The following USH2A variants were observed in gnomAD, a reference collection of about 807,000 sequenced individuals.
USH2A encodes the protein usherin.
Under a neutral mutation model 538.9 loss-of-function variants are expected in USH2A, and 443 were observed. That is an observed-to-expected ratio of 0.82 (90% CI 0.76 to 0.89). USH2A has a LOEUF of 0.89. USH2A is among the 40% of genes least tolerant of loss of function. The pLI, the probability that USH2A is intolerant of heterozygous loss-of-function variation, is 0.00. For synonymous variants in USH2A, 2,413 were observed against 2,273.5 expected, an observed-to-expected ratio of 1.06 and a Z score of -1.75; for missense variants, 6,633 against 6,324.8, an observed-to-expected ratio of 1.05 and a Z score of -1.65.
intron 21 of USH2A, among the ~76,000 whole-genome samples, chr1:216,151,442 C>T (rs947870634): frequency 6.6e-6 from 1 of 152,044 alleles, no homozygotes; most frequent in Non-Finnish European, 1.5e-5. Flanking sequence ...ATGACACCGA[C>T]ATGACAAAAA....
At chr1:216,391,460 TA>T (rs925209610) in intron 3 of USH2A, among the ~76,000 whole-genome samples, 2 of 152,136 alleles carry the variant, frequency 1.3e-5, no homozygotes, top group East Asian at 1.9e-4. Context: ...TATTAATCTT[TA>T]AAAAAAATGA....
chr1:215,643,182 G>A (rs1362627833), intron 67 of USH2A, among the ~76,000 whole-genome samples: 2 of 152,010 alleles, frequency 1.3e-5, no homozygotes, highest in Non-Finnish European at 2.9e-5. Flanking sequence ...ATTTTTAGTA[G>A]AGATGGGGTT....
intron 61 of USH2A, among the ~76,000 whole-genome samples, chr1:215,706,032 A>C (rs1386064529): frequency 6.6e-6 from 1 of 152,190 alleles, no homozygotes; most frequent in African/African-American, 2.4e-5. Flanking sequence ...CAACCTTATG[A>C]GATAGACACT....
At chr1:215,868,018 A>T (rs903112563) in intron 43 of USH2A, among the ~76,000 whole-genome samples, 1 of 152,174 alleles carries the variant, frequency 6.6e-6, no homozygotes, top group Non-Finnish European at 1.5e-5. Context: ...GCTTAGACTG[A>T]GATACTTGCT....
At chr1:215,689,200 C>T (rs1558055304) in intron 61 of USH2A, among the ~76,000 whole-genome samples, 1 of 152,104 alleles carries the variant, frequency 6.6e-6, no homozygotes, top group Non-Finnish European at 1.5e-5. Context: ...AGTAGACAGA[C>T]CAATGAAACT....
chr1:216,233,036 A>G (rs773722379), intron 13 of USH2A, among the ~76,000 whole-genome samples: 19 of 152,208 alleles, frequency 1.2e-4, no homozygotes, highest in Non-Finnish European at 4.4e-5. Flanking sequence ...GTCCTGTTCC[A>G]ATCTATTCTT....
intron 5 of USH2A, among the ~76,000 whole-genome samples, chr1:216,326,386 A>G (rs1342987000): frequency 6.6e-6 from 1 of 152,170 alleles, no homozygotes; most frequent in Non-Finnish European, 1.5e-5. Context: ...GGAGCAGTGA[A>G]GGAGTCAGGC....
intron 3 of USH2A, among the ~76,000 whole-genome samples, chr1:216,386,541 CTATATATATA>C (rs66638535): frequency 6.0e-5 from 8 of 133,098 alleles, no homozygotes; most frequent in African/African-American, 2.2e-4. Context: ...AACCAAAAAA[CTATATATATA>C]TATATATATA....
At chr1:215,842,748 G>A (rs969724632) in intron 46 of USH2A, among the ~76,000 whole-genome samples, 1 of 151,894 alleles carries the variant, frequency 6.6e-6, no homozygotes, top group Non-Finnish European at 1.5e-5. Flanking sequence ...CTTATAAGTA[G>A]GAGCTGTACA....
At chr1:216,058,071 G>A (rs1451756757) in intron 30 of USH2A, among the ~76,000 whole-genome samples, 4 of 152,102 alleles carry the variant, frequency 2.6e-5, no homozygotes, top group African/African-American at 9.7e-5. Flanking sequence ...CTTCCTGTTG[G>A]GTGAAAATCA....
intron 35 of USH2A, among the ~76,000 whole-genome samples, chr1:215,982,313 G>A (rs1667769516): frequency 6.6e-6 from 1 of 152,062 alleles, no homozygotes; most frequent in Non-Finnish European, 1.5e-5. Flanking sequence ...CACATAGAAG[G>A]GACACACACA....
chr1:216,050,364 G>A (rs1214372393), intron 30 of USH2A, among the ~76,000 whole-genome samples: 2 of 151,984 alleles, frequency 1.3e-5, no homozygotes, highest in Non-Finnish European at 2.9e-5. Flanking sequence ...GGCCTTGCAG[G>A]CCTCACATGT....
In USH2A at chr1:216,099,112, GA is replaced by G. The variant is rs1449865857; in HGVS notation, c.4628-1900del. Among the ~76,000 whole-genome samples the G allele has an allele frequency of 2.6e-5, 4 of 152,204 alleles. No individual in the cohort carries two copies. The South Asian group carries it at 8.3e-4, about 31-fold the overall frequency. ...AGGATACAAGCTTTAGACTTTCCAA[GA>G]AGGCAAATCAAATTTATCCTGGCCT... On this transcript the variant is annotated intron_variant, in intron 21 of 71. Coordinates refer to ENST00000307340, the MANE Select transcript of USH2A (RefSeq NM_206933.4).
intron 37 of USH2A, among the ~76,000 whole-genome samples, chr1:215,946,241 G>A (rs563152521): frequency 3.3e-5 from 5 of 151,856 alleles, no homozygotes; most frequent in African/African-American, 1.2e-4. Context: ...AGACAGTTGA[G>A]AAGCTAGAAC....
chr1:215,954,196 C>T (rs1288000593), intron 37 of USH2A, among the ~76,000 whole-genome samples: 1 of 152,106 alleles, frequency 6.6e-6, no homozygotes, highest in Non-Finnish European at 1.5e-5. Context: ...CCATTTGACC[C>T]AGCCATCCCA....
At chr1:216,329,544 G>C (rs536045503) in intron 4 of USH2A, among the ~76,000 whole-genome samples, 73 of 152,150 alleles carry the variant, frequency 4.8e-4, no homozygotes, top group African/African-American at 1.7e-3. Flanking sequence ...CCTGTGTCCC[G>C]TTTTTTCTTT....
chr1:216,192,610 A>G (rs774411060), intron 19 of USH2A, among the ~76,000 whole-genome samples: 1 of 152,026 alleles, frequency 6.6e-6, no homozygotes, highest in Non-Finnish European at 1.5e-5. Flanking sequence ...GCTGAAGCAC[A>G]AGAATTGCTT....
intron 58 of USH2A, 110 bp from the exon 59 acceptor site, chr1:215,743,445 TAAATAAATATATATA>T (rs1660374285): frequency 2.1e-5 from 6 of 292,450 alleles, no homozygotes; most frequent in African/African-American, 1.6e-4. Flanking sequence ...CATATATATA[TAAATAAATATATATA>T]GACACACATA....
intron 21 of USH2A, among the ~76,000 whole-genome samples, chr1:216,107,385 T>C (rs899470767): frequency 2.0e-5 from 3 of 151,844 alleles, no homozygotes; most frequent in African/African-American, 7.2e-5. Context: ...GTCTGTTTAG[T>C]AATATTACTG....
Sources: gnomAD v4.1 joint callset for allele counts (sites outside exome capture counted in the v4.1 genomes callset) on GRCh38, gnomAD v4.1.1 for gene constraint, MANE v1.5 for transcripts, NCBI Gene and HGNC (gene_info 2026-07-23, HGNC 2026-07-21) for gene names.